ESRP1: variants seen among roughly 807,000 people sequenced by gnomAD.
The protein encoded by ESRP1 is epithelial splicing regulatory protein 1.
A neutral mutation model predicts 81.7 loss-of-function variants in ESRP1; 33 were observed. The observed-to-expected ratio is 0.40, with a 90% CI of 0.31 to 0.54. The LOEUF (loss-of-function observed/expected upper bound fraction) is 0.54, where lower values mean the gene tolerates loss of function less well. Among genes scored for constraint, ESRP1 ranks in the 20% least tolerant of loss-of-function variants. The pLI, the probability that ESRP1 is intolerant of heterozygous loss-of-function variation, is 0.41. For synonymous variants in ESRP1, 320 were observed against 303.3 expected (o/e 1.06, Z -0.57); for missense variants, 672 against 833.1 (o/e 0.81, Z 2.38).
chr8:94,696,099 C>T (rs908957369), intron 14 of ESRP1, among the ~76,000 whole-genome samples: 5 of 152,166 alleles, frequency 3.3e-5, no homozygotes, highest in African/African-American at 1.2e-4. Context: ...TTGTGTCTTC[C>T]ATACTTCATC....
At chr8:94,647,899 T>C (rs1376501420) in intron 4 of ESRP1, among the ~76,000 whole-genome samples, 1 of 152,086 alleles carries the variant, frequency 6.6e-6, no homozygotes, top group Non-Finnish European at 1.5e-5. Flanking sequence ...ACCAGCACTT[T>C]GGGAGGCTGA....
chr8:94,646,047 A>G, intron 3 of ESRP1, 121 bp from the exon 4 acceptor site: 3 of 503,448 alleles, frequency 6.0e-6, no homozygotes, highest in South Asian at 2.9e-5. Flanking sequence ...CTACTTTTAC[A>G]TTAAATTTTA....
At position 94,668,253 on chromosome 8, in the gene ESRP1, T is replaced by G; in HGVS notation, c.1233+3T>G. The G allele has an allele frequency of 6.4e-7, 1 of 1,571,688 alleles. No individual in the cohort carries two copies. On this transcript the variant is annotated splice_donor_region_variant and intron_variant, in intron 10 of 15. Coordinates refer to ENST00000433389, the MANE Select transcript of ESRP1 (RefSeq NM_017697.4). ...GCACAGCAGCTGAAGTTCAGCAGGTTGGTTTTAAAAACAAGTATGTTGTAC... is the reference window on the plus strand; with the variant it reads ...GCACAGCAGCTGAAGTTCAGCAGGTGGGTTTTAAAAACAAGTATGTTGTAC...
intron 4 of ESRP1, chr8:94,656,097 C>G (rs2130579037): frequency 6.6e-6 from 1 of 151,114 alleles, no homozygotes; most frequent in South Asian, 2.1e-4. Context: ...GTGAACTGTC[C>G]CAGAAACAGA....
Position 94,665,159 on chromosome 8 carries a change from C to T in ESRP1, c.894C>T (p.Tyr298=), listed in dbSNP as rs754818918. Residue 298 remains tyrosine, a synonymous_variant, in exon 9 of 16, where the codon TAC becomes TAT. Transcript: ENST00000433389. ...HHMGTRYIEV[Y]KATGEDFLKI... is the part of the protein sequence containing the mutation. Reference sequence around the variant, plus strand: ...ACTTCTCTGTCTTTTCTCAGGTTTACAAAGCAACAGGTGAAGATTTCCTTA... The same window carrying T: ...ACTTCTCTGTCTTTTCTCAGGTTTATAAAGCAACAGGTGAAGATTTCCTTA... 1 of 1,613,548 alleles carries T rather than the reference C, an allele frequency of 6.2e-7. No individual in the cohort carries two copies. The highest frequency in any genetic ancestry group is 2.2e-5 in the East Asian group (1 of 44,876).
intron 3 of ESRP1, among the ~76,000 whole-genome samples, chr8:94,644,950 G>A (rs748531266): frequency 1.2e-4 from 18 of 152,094 alleles, no homozygotes; most frequent in East Asian, 3.9e-4. Context: ...GCATTCATAC[G>A]GCGTAAGCCT....
In ESRP1 at chr8:94,659,577, A is replaced by T. The variant is rs80176962; in HGVS notation, c.491-2695A>T. 3.7e-3 allele frequency among the ~76,000 whole-genome samples: 567 copies of T among 152,356 alleles called. 5 individuals carry two copies. The highest frequency in any genetic ancestry group is 0.013 in the African/African-American group (525 of 41,578). ...TAAGAGTTTCATATCTCTCACTTTA[A>T]ATCAAAAGCTAGACATGATTAAGCT... On this transcript the variant is annotated intron_variant, in intron 4 of 15. Coordinates refer to ENST00000433389, the MANE Select transcript of ESRP1 (RefSeq NM_017697.4).
chr8:94,662,183 C>A, intron 4 of ESRP1, 89 bp from the exon 5 acceptor site: 6 of 760,256 alleles, frequency 7.9e-6, no homozygotes, highest in Non-Finnish European at 1.3e-5. Flanking sequence ...GATCCATCTT[C>A]TTCCTCTTGG....
At chr8:94,665,267 A>C in intron 9 of ESRP1, 71 bp downstream of exon 9, 1 of 1,444,098 alleles carries the variant, frequency 6.9e-7, no homozygotes, top group Non-Finnish European at 9.6e-7. Context: ...AAATTTAGCA[A>C]GAGTAGGTGA....
chr8:94,681,933 CAAAAAATA>C (rs1355210051), intron 13 of ESRP1, among the ~76,000 whole-genome samples: 1 of 152,128 alleles, frequency 6.6e-6, no homozygotes, highest in Non-Finnish European at 1.5e-5. Context: ...GACTCAGTCT[CAAAAAATA>C]AAAATAAATG....
chr8:94,651,175 G>A (rs1424774678), intron 4 of ESRP1, among the ~76,000 whole-genome samples: 1 of 151,350 alleles, frequency 6.6e-6, no homozygotes, highest in Non-Finnish European at 1.5e-5. Context: ...ACAGTATGTG[G>A]AACTTGAATA....
At chr8:94,646,881 T>C (rs992159440) in intron 4 of ESRP1, among the ~76,000 whole-genome samples, 1 of 152,210 alleles carries the variant, frequency 6.6e-6, no homozygotes. Context: ...TAATTACAAA[T>C]CTATAATCAT....
intron 12 of ESRP1, 55 bp from the exon 13 acceptor site, chr8:94,678,148 C>A (rs1410947481): frequency 6.4e-7 from 1 of 1,563,320 alleles, no homozygotes; most frequent in Non-Finnish European, 8.8e-7. Flanking sequence ...AGTGCTAGCA[C>A]GTGCATGTCA....
intron 13 of ESRP1, among the ~76,000 whole-genome samples, chr8:94,678,931 C>T (rs1422809359): frequency 4.6e-5 from 7 of 152,234 alleles, no homozygotes; most frequent in Admixed American, 6.5e-5. Context: ...AGCATACTAG[C>T]ATATAATGGA....
intron 4 of ESRP1, among the ~76,000 whole-genome samples, chr8:94,658,639 T>C (rs753025354): frequency 1.3e-5 from 2 of 152,216 alleles, no homozygotes; most frequent in Middle Eastern, 3.2e-3. Flanking sequence ...TTAATTTGAA[T>C]GGAATATACT....
At chr8:94,693,570 A>G (rs1240666838) in intron 14 of ESRP1, among the ~76,000 whole-genome samples, 1 of 152,202 alleles carries the variant, frequency 6.6e-6, no homozygotes, top group African/African-American at 2.4e-5. Context: ...TGCCATTTCT[A>G]AAAAATAAGT....
intron 13 of ESRP1, among the ~76,000 whole-genome samples, chr8:94,689,249 CAAAAAAAAAA>C (rs56220336): frequency 0.39 from 39,333 of 100,590 alleles, 6,892 homozygotes; most frequent in East Asian, 0.63. Context: ...ACTCAGTCTC[CAAAAAAAAAA>C]AAAAAAAAAA....
chr8:94,642,156 C>T, intron 2 of ESRP1, 72 bp downstream of exon 2: 3 of 1,535,190 alleles, frequency 2.0e-6, no homozygotes, highest in Non-Finnish European at 1.8e-6. Context: ...CCTCTCAGGG[C>T]GGCCCACGCG....
intron 15 of ESRP1, among the ~76,000 whole-genome samples, chr8:94,697,871 C>T (rs1399869833): frequency 6.6e-6 from 1 of 152,112 alleles, no homozygotes; most frequent in Non-Finnish European, 1.5e-5. Flanking sequence ...AACCTCTGCT[C>T]CTGGGTTCAG....
Sources: gnomAD v4.1 joint callset for allele counts (sites outside exome capture counted in the v4.1 genomes callset) on GRCh38, gnomAD v4.1.1 for gene constraint, MANE v1.5 for transcripts, NCBI Gene and HGNC (gene_info 2026-07-23, HGNC 2026-07-21) for gene names.